Variants in OXR1 observed in about 807,000 individuals in gnomAD.
The protein encoded by OXR1 is oxidation resistance 1.
Under a neutral mutation model 104.6 loss-of-function variants are expected in OXR1, and 41 were observed. The ratio of observed to expected loss-of-function variants is 0.39; its 90% CI spans 0.31 to 0.51. OXR1 has a LOEUF of 0.51. Ranked by LOEUF, OXR1 falls within the 20% of genes least tolerant of loss-of-function variation. The probability of loss-of-function intolerance (pLI) is 0.77; values close to 1 mark genes in which losing one functional copy is unlikely to be tolerated. For missense variants in OXR1, 955 were observed against 1,031.9 expected, an observed-to-expected ratio of 0.93 and a Z score of 1.02; for synonymous variants, 348 against 348.4, an observed-to-expected ratio of 1.00 and a Z score of 0.01.
chr8:106,534,140 G>T (rs1814304218), intron 3 of OXR1, among the ~76,000 whole-genome samples: 2 of 152,178 alleles, frequency 1.3e-5, no homozygotes, highest in African/African-American at 4.8e-5. Flanking sequence ...TGACTCAACA[G>T]ATCTGGGGCG....
chr8:106,320,344 G>A (rs542171149), intron 1 of OXR1, among the ~76,000 whole-genome samples: 5 of 152,230 alleles, frequency 3.3e-5, no homozygotes, highest in African/African-American at 9.6e-5. Context: ...GTTTCTCCAA[G>A]TATTTGTCCC....
At chr8:106,507,032 G>A (rs1399097570) in intron 2 of OXR1, among the ~76,000 whole-genome samples, 2 of 151,816 alleles carry the variant, frequency 1.3e-5, no homozygotes, top group Non-Finnish European at 2.9e-5. Context: ...AGAGGCTGCA[G>A]TGAGCTATAA....
At chr8:106,575,304 T>C (rs572706437) in intron 3 of OXR1, among the ~76,000 whole-genome samples, 20 of 152,292 alleles carry the variant, frequency 1.3e-4, no homozygotes, top group Middle Eastern at 6.8e-3. Context: ...TTAATCTATA[T>C]TGCTAAATCA....
intron 11 of OXR1, among the ~76,000 whole-genome samples, chr8:106,735,735 A>G (rs1435941577): frequency 6.6e-6 from 1 of 152,136 alleles, no homozygotes; most frequent in African/African-American, 2.4e-5. Flanking sequence ...AAGCAAGCCC[A>G]TGATGTTTTT....
chr8:106,732,092 C>T (rs370897467), intron 11 of OXR1, among the ~76,000 whole-genome samples: 4 of 151,964 alleles, frequency 2.6e-5, no homozygotes, highest in East Asian at 3.9e-4. Flanking sequence ...TCACGTAGAT[C>T]TCTATGTATT....
intron 2 of OXR1, among the ~76,000 whole-genome samples, chr8:106,507,068 C>G (rs191715289): frequency 2.0e-5 from 3 of 151,876 alleles, no homozygotes; most frequent in African/African-American, 7.2e-5. Flanking sequence ...CTAGGAGACA[C>G]AGTGAGAGCC....
chr8:106,717,664 A>G (rs898377914), intron 11 of OXR1, among the ~76,000 whole-genome samples: 2 of 152,164 alleles, frequency 1.3e-5, no homozygotes, highest in Admixed American at 1.3e-4. Context: ...TTCATACACT[A>G]TTATATCTTC....
intron 2 of OXR1, among the ~76,000 whole-genome samples, chr8:106,367,504 T>G (rs1816523853): frequency 6.6e-6 from 1 of 152,150 alleles, no homozygotes; most frequent in African/African-American, 2.4e-5. Flanking sequence ...GGCAGTATAT[T>G]ATTTTTATTA....
rs528591951 is a variant in OXR1, at chr8:106,346,588, C to CT, written c.-138-12877dup. ...TTTGGATGATAAACTAAGAAAATTT[C>CT]TTTTTTTTTTTCACATCAGCATGAA... On this transcript the variant is annotated intron_variant, in intron 1 of 16. Coordinates refer to ENST00000517566, the MANE Select transcript of OXR1 (RefSeq NM_001198533.2). Among the ~76,000 whole-genome samples, 226 of 146,572 alleles carry CT rather than the reference C, an allele frequency of 1.5e-3. 1 individual carries two copies. Among genetic ancestry groups the CT allele is most frequent in the African/African-American group, 3.9e-3 (157 of 39,972 alleles).
At chr8:106,339,549 TATATATAA>T (rs1216253860) in intron 1 of OXR1, among the ~76,000 whole-genome samples, 4 of 71,048 alleles carry the variant, frequency 5.6e-5, no homozygotes, top group African/African-American at 2.5e-4. Context: ...TATATATATA[TATATATAA>T]AACGAAATCA....
intron 2 of OXR1, among the ~76,000 whole-genome samples, chr8:106,461,670 T>A (rs1489460666): frequency 6.6e-6 from 1 of 152,208 alleles, no homozygotes; most frequent in Non-Finnish European, 1.5e-5. Context: ...AATACAGGAT[T>A]CCTGCTGATT....
chr8:106,372,703 G>A (rs1183359733), intron 2 of OXR1, among the ~76,000 whole-genome samples: 1 of 152,164 alleles, frequency 6.6e-6, no homozygotes, highest in Non-Finnish European at 1.5e-5. Context: ...TGAAACATAA[G>A]TGAATTTTGG....
chr8:106,366,022 A>G (rs180792503), intron 2 of OXR1, among the ~76,000 whole-genome samples: 292 of 152,258 alleles, frequency 1.9e-3, no homozygotes, highest in African/African-American at 6.7e-3. Context: ...AGCCTACTAG[A>G]CCTGTAACCT....
chr8:106,708,888 G>A (rs725906), intron 9 of OXR1, among the ~76,000 whole-genome samples: 91,745 of 151,552 alleles, frequency 0.61, 28,635 homozygotes, highest in African/African-American at 0.76. Context: ...CCTTCCCTGC[G>A]GCAGTACACA....
intron 1 of OXR1, among the ~76,000 whole-genome samples, chr8:106,324,359 GA>G (rs1158188577): frequency 6.6e-6 from 1 of 152,128 alleles, no homozygotes; most frequent in Non-Finnish European, 1.5e-5. Flanking sequence ...GGGTCTACTT[GA>G]GGGAGGAGGT....
chr8:106,711,726 C>G (rs1453727037), intron 10 of OXR1, among the ~76,000 whole-genome samples: 1 of 152,080 alleles, frequency 6.6e-6, no homozygotes, highest in Non-Finnish European at 1.5e-5. Context: ...TGTGATTTCT[C>G]TGTACCTCCT....
chr8:106,498,983 AAACCCCGTCT>A, intron 2 of OXR1, among the ~76,000 whole-genome samples: 1 of 27,116 alleles, frequency 3.7e-5, no homozygotes, highest in African/African-American at 1.5e-4. Flanking sequence ...TAACAAGGTG[AAACCCCGTCT>A]CTACTAAAAA....
chr8:106,484,333 T>G (rs948774883), intron 2 of OXR1, among the ~76,000 whole-genome samples: 7 of 152,094 alleles, frequency 4.6e-5, no homozygotes, highest in African/African-American at 1.4e-4. Context: ...GATAAATGCT[T>G]GAGGTGATGG....
intron 3 of OXR1, among the ~76,000 whole-genome samples, chr8:106,593,646 A>G (rs931236391): frequency 2.4e-4 from 36 of 152,230 alleles, no homozygotes; most frequent in East Asian, 5.8e-4. Flanking sequence ...GTGTGGTGGC[A>G]GGCGCCTGTG....
Sources: allele counts gnomAD v4.1 joint callset (sites outside exome capture counted in the v4.1 genomes callset), GRCh38; gene constraint gnomAD v4.1.1; transcripts MANE v1.5; gene names NCBI Gene and HGNC (gene_info 2026-07-23, HGNC 2026-07-21).